PYDC5: variants seen among roughly 807,000 people sequenced by gnomAD.
PYDC5 encodes pyrin domain containing 5.
At chr1:159,001,632 C>T in the PYDC5 span, among the ~76,000 whole-genome samples, 1 of 152,156 alleles carries the variant, frequency 6.6e-6, no homozygotes, top group Non-Finnish European at 1.5e-5. Flanking sequence ...ATTTCCTGAG[C>T]ATCTATTATA....
At chr1:159,001,705 A>G in the PYDC5 span, among the ~76,000 whole-genome samples, 1 of 152,150 alleles carries the variant, frequency 6.6e-6, no homozygotes, top group Non-Finnish European at 1.5e-5. Flanking sequence ...CCCTCCTACA[A>G]CCCTATTACG....
At chr1:159,000,348 T>C in the PYDC5 span, 1 of 216,828 alleles carries the variant, frequency 4.6e-6, no homozygotes, top group East Asian at 1.0e-4. Context: ...ATCCAAACTA[T>C]GTAAGATTAT....
the PYDC5 span, chr1:159,000,343 A>G: frequency 8.5e-3 from 1,889 of 222,028 alleles, 34 homozygotes; most frequent in African/African-American, 0.041. Flanking sequence ...AAGGGATCCA[A>G]ACTATGTAAG....
the PYDC5 span, chr1:159,000,503 C>A: frequency 2.6e-5 from 4 of 152,446 alleles, no homozygotes; most frequent in Non-Finnish European, 4.4e-5. Flanking sequence ...GTCCTTCTTC[C>A]TGGGAAAGAC....
the PYDC5 span, among the ~76,000 whole-genome samples, chr1:159,000,802 G>A: frequency 6.6e-6 from 1 of 152,122 alleles, no homozygotes; most frequent in Non-Finnish European, 1.5e-5. Flanking sequence ...GACGGGAAGT[G>A]CTTGGCTCAT....
the PYDC5 span, among the ~76,000 whole-genome samples, chr1:159,002,525 T>A: frequency 2.0e-5 from 3 of 152,028 alleles, no homozygotes; most frequent in African/African-American, 4.8e-5. Context: ...AATGAACACA[T>A]GCTGCAAAAT....
chr1:159,000,758 T>C, the PYDC5 span, among the ~76,000 whole-genome samples: 1 of 152,212 alleles, frequency 6.6e-6, no homozygotes, highest in Non-Finnish European at 1.5e-5. Context: ...AATCTCATGC[T>C]GAAATGTGAT....
chr1:159,000,085 T>C, the PYDC5 span: 2 of 163,204 alleles, frequency 1.2e-5, no homozygotes, highest in Non-Finnish European at 2.8e-5. Context: ...CCCGAAGACA[T>C]TTTGCCACAA....
the PYDC5 span, among the ~76,000 whole-genome samples, chr1:159,001,457 G>A: frequency 1.3e-5 from 2 of 152,260 alleles, no homozygotes; most frequent in South Asian, 4.1e-4. Flanking sequence ...GTGATAGCTA[G>A]AGAAACCCTA....
the PYDC5 span, among the ~76,000 whole-genome samples, chr1:159,002,273 C>T: frequency 6.6e-6 from 1 of 151,586 alleles, no homozygotes; most frequent in African/African-American, 2.4e-5. Flanking sequence ...CAACAGCCTG[C>T]TTATCATACA....
the PYDC5 span, among the ~76,000 whole-genome samples, chr1:159,000,868 C>A: frequency 2.0e-5 from 3 of 152,088 alleles, no homozygotes; most frequent in Admixed American, 6.6e-5. Context: ...TGAGTGAGTT[C>A]TCCTCTGAGT....
chr1:159,001,143 G>T, the PYDC5 span, among the ~76,000 whole-genome samples: 2 of 152,178 alleles, frequency 1.3e-5, no homozygotes, highest in African/African-American at 4.8e-5. Flanking sequence ...AATGTGTGTA[G>T]AACTACATAT....
the PYDC5 span, among the ~76,000 whole-genome samples, chr1:159,001,982 G>C: frequency 6.6e-6 from 1 of 152,168 alleles, no homozygotes; most frequent in Non-Finnish European, 1.5e-5. Context: ...AACTTACTGT[G>C]TACAAAGTGC....
At chr1:159,001,437 C>G in the PYDC5 span, among the ~76,000 whole-genome samples, 1 of 152,008 alleles carries the variant, frequency 6.6e-6, no homozygotes, top group African/African-American at 2.4e-5. Context: ...TTATTTTTTC[C>G]TATAGACAGG....
chr1:159,001,952 A>G, the PYDC5 span, among the ~76,000 whole-genome samples: 2 of 152,218 alleles, frequency 1.3e-5, no homozygotes, highest in Non-Finnish European at 2.9e-5. Context: ...TACCATGCAT[A>G]ATAGCTGACA....
the PYDC5 span, among the ~76,000 whole-genome samples, chr1:159,002,282 CAG>C: frequency 6.6e-6 from 1 of 151,464 alleles, no homozygotes; most frequent in Non-Finnish European, 1.5e-5. Flanking sequence ...GCTTATCATA[CAG>C]AGAGTATGGA....
the PYDC5 span, among the ~76,000 whole-genome samples, chr1:159,002,341 A>T: frequency 2.6e-5 from 4 of 152,162 alleles, no homozygotes; most frequent in Non-Finnish European, 4.4e-5. Context: ...AAAAAAAACT[A>T]GTGTTATTTG....
the PYDC5 span, among the ~76,000 whole-genome samples, chr1:159,000,825 C>G: frequency 6.6e-6 from 1 of 152,084 alleles, no homozygotes; most frequent in Non-Finnish European, 1.5e-5. Context: ...GGGTGGATCC[C>G]TCATGAATGG....
chr1:159,001,080 A>G, the PYDC5 span, among the ~76,000 whole-genome samples: 4 of 152,236 alleles, frequency 2.6e-5, no homozygotes, highest in Admixed American at 2.6e-4. Flanking sequence ...AGAAAAATTA[A>G]ACATAATACT....
Sources: gnomAD v4.1 joint callset for allele counts (sites outside exome capture counted in the v4.1 genomes callset) on GRCh38, gnomAD v4.1.1 for gene constraint, MANE v1.5 for transcripts, NCBI Gene and HGNC (gene_info 2026-07-23, HGNC 2026-07-21) for gene names.